TMEM108: variants seen among roughly 807,000 people sequenced by gnomAD.
TMEM108 encodes the protein cancer/testis antigen 124.
Under a neutral mutation model 35.1 loss-of-function variants are expected in TMEM108, and 12 were observed. That is an observed-to-expected ratio of 0.34 (90% confidence interval 0.22 to 0.55). TMEM108 has a LOEUF of 0.55. TMEM108 is among the 20% of genes least tolerant of loss of function. The pLI, the probability that TMEM108 is intolerant of heterozygous loss-of-function variation, is 0.89. For missense variants in TMEM108, 680 were observed against 753.3 expected, an observed-to-expected ratio of 0.90 and a Z score of 1.14; for synonymous variants, 287 against 308.6, an observed-to-expected ratio of 0.93 and a Z score of 0.73.
intron 2 of TMEM108, among the ~76,000 whole-genome samples, chr3:133,207,976 T>G (rs907036259): frequency 7.9e-5 from 12 of 152,212 alleles, no homozygotes; most frequent in African/African-American, 2.7e-4. Context: ...ACCTTGGAGA[T>G]AGATCTTTCT....
At chr3:133,045,279 T>C (rs144132874) in intron 1 of TMEM108, among the ~76,000 whole-genome samples, 122 of 152,272 alleles carry the variant, frequency 8.0e-4, no homozygotes, top group African/African-American at 2.8e-3. Context: ...TTTTGAGTCT[T>C]ACATTGGCCC....
intron 4 of TMEM108, chr3:133,387,296 A>C (rs1411432088): frequency 1.0e-6 from 1 of 985,432 alleles, no homozygotes; most frequent in Non-Finnish European, 1.2e-6. Context: ...TCCAGGTGGA[A>C]TACATGGCAG....
At chr3:133,203,448 A>G (rs887824006) in intron 2 of TMEM108, among the ~76,000 whole-genome samples, 18 of 152,136 alleles carry the variant, frequency 1.2e-4, no homozygotes, top group African/African-American at 4.3e-4. Flanking sequence ...AATAGCTCTT[A>G]CTATTTTGAG....
chr3:133,067,730 G>A (rs79737962), intron 2 of TMEM108, among the ~76,000 whole-genome samples: 4,197 of 152,234 alleles, frequency 0.028, 102 homozygotes, highest in South Asian at 0.061. Context: ...TATGTGATAA[G>A]TTAAAATGCT....
intron 2 of TMEM108, among the ~76,000 whole-genome samples, chr3:133,179,608 A>T (rs1945298235): frequency 1.3e-5 from 2 of 152,056 alleles, no homozygotes; most frequent in South Asian, 4.2e-4. Flanking sequence ...TTGAACAATG[A>T]GAACACATGG....
intron 3 of TMEM108, among the ~76,000 whole-genome samples, chr3:133,334,754 A>T (rs561050935): frequency 2.6e-5 from 4 of 152,312 alleles, no homozygotes; most frequent in African/African-American, 9.6e-5. Context: ...CTAATTTCTG[A>T]TTTGTCCTCA....
At chr3:133,342,555 T>TATATATATATATATATATATATATATAC (rs60991711) in intron 3 of TMEM108, among the ~76,000 whole-genome samples, 1,435 of 62,692 alleles carry the variant, frequency 0.023, 63 homozygotes, top group Non-Finnish European at 0.034. Context: ...TATATATATA[T>TATATATATATATATATATATATATATAC]ACACACACAC....
At chr3:133,143,892 G>A (rs550959398) in intron 2 of TMEM108, among the ~76,000 whole-genome samples, 2 of 151,534 alleles carry the variant, frequency 1.3e-5, no homozygotes, top group South Asian at 4.2e-4. Flanking sequence ...TCTAAGTTAC[G>A]AACATTCTAC....
chr3:133,079,804 A>C (rs1445820169), intron 2 of TMEM108, among the ~76,000 whole-genome samples: 1 of 152,220 alleles, frequency 6.6e-6, no homozygotes, highest in Admixed American at 6.5e-5. Context: ...GCGAGGAATA[A>C]GGGTGTGTCT....
rs1559812509 is a variant in TMEM108, at chr3:133,038,455, G to C, written c.-166+20G>C. On this transcript the variant is annotated intron_variant, in intron 1 of 5. Coordinates refer to ENST00000321871, the MANE Select transcript of TMEM108 (RefSeq NM_023943.4). ...CCCGAGGTAAGCGGCGCTCCGGGGC[G>C]TCCCCCCAGTCCTTCCCATGCTGGG... 1 of 152,330 alleles carries C rather than the reference G, an allele frequency of 6.6e-6. No individual in the cohort carries two copies. Among genetic ancestry groups the C allele is most frequent in the Non-Finnish European group, 1.5e-5 (1 of 68,088 alleles). The allele number at this position is 152,330 out of a possible 1,614,324, so 9.4% of individuals were successfully genotyped here. A position where few individuals can be genotyped will look rare whatever the true frequency, so the allele number is the denominator to read the frequency against.
intron 3 of TMEM108, among the ~76,000 whole-genome samples, chr3:133,252,974 C>T (rs1022285228): frequency 2.0e-5 from 3 of 152,182 alleles, no homozygotes; most frequent in African/African-American, 7.2e-5. Context: ...GAACCAATCC[C>T]TTCTAGGTAC....
chr3:133,165,759 A>G (rs1945027921), intron 2 of TMEM108, among the ~76,000 whole-genome samples: 1 of 152,232 alleles, frequency 6.6e-6, no homozygotes, highest in Middle Eastern at 3.2e-3. Context: ...GGTTGGCTAA[A>G]CATACATGTT....
chr3:133,268,835 A>C (rs1946733791), intron 3 of TMEM108, among the ~76,000 whole-genome samples: 1 of 152,244 alleles, frequency 6.6e-6, no homozygotes, highest in African/African-American at 2.4e-5. Context: ...ATAAACAGAG[A>C]TTTGGAAAGC....
chr3:133,312,811 G>A lies in TMEM108; in HGVS notation c.41-66941G>A, dbSNP rs1037947953. Reference sequence around the variant, plus strand: ...GCAGAAATCACCCATCTTCTGCATCGATCACGCTGGGAGCTGCAGACCAGA... The same window carrying A: ...GCAGAAATCACCCATCTTCTGCATCAATCACGCTGGGAGCTGCAGACCAGA... On this transcript the variant is annotated intron_variant, in intron 3 of 5. Coordinates refer to ENST00000321871, the MANE Select transcript of TMEM108 (RefSeq NM_023943.4). 3.8e-4 allele frequency among the ~76,000 whole-genome samples: 58 copies of A among 152,264 alleles called. 1 individual carries two copies. The highest frequency in any genetic ancestry group is 3.3e-3 in the Admixed American group (50 of 15,302).
intron 3 of TMEM108, among the ~76,000 whole-genome samples, chr3:133,272,815 G>T (rs1946791410): frequency 6.6e-6 from 1 of 152,128 alleles, no homozygotes; most frequent in African/African-American, 2.4e-5. Flanking sequence ...CTCTAAGAGG[G>T]ATATGGAAAT....
At chr3:133,296,296 A>G (rs913353193) in intron 3 of TMEM108, among the ~76,000 whole-genome samples, 3 of 152,236 alleles carry the variant, frequency 2.0e-5, no homozygotes, top group Non-Finnish European at 4.4e-5. Flanking sequence ...ATCTCGGAGT[A>G]TCTGCCCCCA....
chr3:133,371,635 A>AAAAAAAAAAAAAAAAAAAAAAAAAAC (rs1283326477), intron 3 of TMEM108, among the ~76,000 whole-genome samples: 1 of 150,968 alleles, frequency 6.6e-6, no homozygotes, highest in African/African-American at 2.4e-5. Context: ...AAAAAAAAAA[A>AAAAAAAAAAAAAAAAAAAAAAAAAAC]AAAACCCACC....
chr3:133,145,866 C>G lies in TMEM108; in HGVS notation c.-46-83400C>G, dbSNP rs543123611. Among the ~76,000 whole-genome samples the G allele has an allele frequency of 4.6e-5, 7 of 152,298 alleles. No individual in the cohort carries two copies. The South Asian group carries it at 1.2e-3, about 27-fold the overall frequency. ...CTTATCAGCTTGAGGAGATTTTGGGCTGAGACGATGGGGTTTTCTAAATAG... is the reference window on the plus strand; with the variant it reads ...CTTATCAGCTTGAGGAGATTTTGGGGTGAGACGATGGGGTTTTCTAAATAG... On this transcript the variant is annotated intron_variant, in intron 2 of 5. Coordinates refer to ENST00000321871, the MANE Select transcript of TMEM108 (RefSeq NM_023943.4).
intron 2 of TMEM108, among the ~76,000 whole-genome samples, chr3:133,194,572 A>G (rs1945549431): frequency 6.6e-6 from 1 of 150,656 alleles, no homozygotes; most frequent in African/African-American, 2.5e-5. Context: ...GTGAAATTCC[A>G]TGGTTTTTTT....
Sources: allele counts gnomAD v4.1 joint callset (sites outside exome capture counted in the v4.1 genomes callset), GRCh38; gene constraint gnomAD v4.1.1; transcripts MANE v1.5; gene names NCBI Gene and HGNC (gene_info 2026-07-23, HGNC 2026-07-21).